The following BCLAF1 variants were observed in gnomAD, a reference collection of about 807,000 sequenced individuals.
BCLAF1 encodes BCL2 associated transcription factor 1, also known as bcl-2-associated transcription factor 1.
In BCLAF1, 10 loss-of-function variants were observed where a neutral mutation model predicts 99.5. The ratio of observed to expected loss-of-function variants is 0.10; its 90% CI spans 0.06 to 0.17. The LOEUF (loss-of-function observed/expected upper bound fraction) is 0.17. BCLAF1 is among the 10% of genes least tolerant of loss of function. The probability of loss-of-function intolerance (pLI) is 1.00; values close to 1 mark genes in which losing one functional copy is unlikely to be tolerated. For missense variants in BCLAF1, 636 were observed against 1,105.8 expected (o/e 0.58, Z 6.02); for synonymous variants, 255 against 370.9 (o/e 0.69, Z 3.59).
intron 10 of BCLAF1, 52 bp from the exon 11 acceptor site, chr6:136,267,227 T>C: frequency 6.4e-7 from 1 of 1,560,236 alleles, no homozygotes. Flanking sequence ...GGTATTTAGT[T>C]ACATGCAAAT....
At chr6:136,264,813 G>T (rs1049021440) in intron 11 of BCLAF1, among the ~76,000 whole-genome samples, 1 of 152,136 alleles carries the variant, frequency 6.6e-6, no homozygotes, top group Non-Finnish European at 1.5e-5. Context: ...AGCATCATCA[G>T]TCTGTGGCAA....
At chr6:136,274,072 A>AC (rs1180856904) in intron 6 of BCLAF1, 2 of 1,288,184 alleles carry the variant, frequency 1.6e-6, no homozygotes, top group Non-Finnish European at 2.0e-6. Context: ...TTGAGCTAGC[A>AC]ACTCAGTTTT....
chr6:136,276,252 T>C lies in BCLAF1; in HGVS notation c.1273A>G (p.Thr425Ala), dbSNP rs372920909. ...TCCTCAGTATTCCGGTGAGATGCAG[T>C]AGCAAAACTTTTACCCTGATCTGCG... ...VLADQGKSFA[T>A]ASHRNTEEEG... Residue 425 changes from threonine to alanine, a missense_variant, in exon 5 of 13, where the codon ACT (threonine) becomes GCT (alanine). Physicochemically the swap from Thr to Ala is moderately conservative, Grantham distance 58. This residue lies in a region of BCLAF1 where 186 missense variants were observed against 275.3 expected (regional missense o/e 0.68). Transcript: ENST00000531224. 2 of 1,605,160 alleles carry C rather than the reference T, an allele frequency of 1.2e-6. No individual in the cohort carries two copies. The highest frequency in any genetic ancestry group is 2.2e-5 in the East Asian group (1 of 44,762).
At chr6:136,286,412 G>T (rs1189479967) in intron 1 of BCLAF1, among the ~76,000 whole-genome samples, 6 of 152,026 alleles carry the variant, frequency 3.9e-5, no homozygotes, top group South Asian at 2.1e-4. Context: ...GTGTTTTTTT[G>T]TTGTTGTTGT....
chr6:136,266,341 AC>A, intron 11 of BCLAF1, among the ~76,000 whole-genome samples: 1 of 152,200 alleles, frequency 6.6e-6, no homozygotes, highest in South Asian at 2.1e-4. Context: ...AAAAATGAAT[AC>A]TTCTGGTAAT....
chr6:136,279,969 T>C (rs1424784883), intron 2 of BCLAF1, 93 bp from the exon 3 acceptor site: 5 of 1,266,218 alleles, frequency 3.9e-6, no homozygotes, highest in South Asian at 2.5e-5. Flanking sequence ...ATTTGATTTT[T>C]ACAAGTTTCT....
chr6:136,288,607 G>C (rs1052751849), intron 1 of BCLAF1, among the ~76,000 whole-genome samples: 1 of 152,204 alleles, frequency 6.6e-6, no homozygotes, highest in Admixed American at 6.5e-5. Flanking sequence ...CATCTTTTTC[G>C]TCAGTGTTAG....
At chr6:136,267,891 T>A (rs1348681209) in intron 10 of BCLAF1, among the ~76,000 whole-genome samples, 1 of 151,986 alleles carries the variant, frequency 6.6e-6, no homozygotes, top group Non-Finnish European at 1.5e-5. Flanking sequence ...AATCAGTAAC[T>A]TTCCTTGACT....
chr6:136,284,765 T>C (rs1335726766), intron 1 of BCLAF1, among the ~76,000 whole-genome samples: 1 of 151,964 alleles, frequency 6.6e-6, no homozygotes, highest in African/African-American at 2.4e-5. Flanking sequence ...CCTACTCTCT[T>C]GAAGCTTTCA....
intron 1 of BCLAF1, among the ~76,000 whole-genome samples, chr6:136,285,072 G>A (rs777460483): frequency 2.0e-5 from 3 of 152,098 alleles, no homozygotes; most frequent in Non-Finnish European, 2.9e-5. Context: ...ATGAAATAGG[G>A]CAGCAGGAGG....
intron 8 of BCLAF1, among the ~76,000 whole-genome samples, chr6:136,271,042 A>G: frequency 6.6e-6 from 1 of 151,860 alleles, no homozygotes; most frequent in Non-Finnish European, 1.5e-5. Flanking sequence ...TAGTAAGTTA[A>G]TAGCATGCCC....
intron 7 of BCLAF1, among the ~76,000 whole-genome samples, chr6:136,272,501 C>T: frequency 6.6e-6 from 1 of 151,940 alleles, no homozygotes; most frequent in Non-Finnish European, 1.5e-5. Context: ...GCTGCAACTA[C>T]CCAGTGCTTC....
At position 136,277,877 on chromosome 6, in the gene BCLAF1, T is replaced by C. The variant is rs1783658516; in HGVS notation, c.1004A>G (p.Lys335Arg). Residue 335 changes from lysine (K) to arginine (R), a missense_variant, in exon 4 of 13, where the codon AAG becomes AGG. Transcript: ENST00000531224. ...TTTTAGTTTTTACCTTTTTAAGAAC[T>C]TCCCAGTCTTTGCAGTTTCCTGATC... ...GGDQETAKTG[K>R]FLKRFTDEES... 6.2e-7 allele frequency: 1 copy of C among 1,604,794 alleles called. No individual in the cohort carries two copies. The highest frequency in any genetic ancestry group is 8.5e-7 in the Non-Finnish European group (1 of 1,175,806).
At chr6:136,270,815 A>G (rs1269073101) in intron 8 of BCLAF1, among the ~76,000 whole-genome samples, 1 of 151,874 alleles carries the variant, frequency 6.6e-6, no homozygotes, top group Non-Finnish European at 1.5e-5. Flanking sequence ...TAATGAGGAG[A>G]GAAGATACTC....
chr6:136,289,842 G>A lies in BCLAF1; in HGVS notation c.-244C>T, dbSNP rs1001932010. 2 of 152,712 alleles carry A rather than the reference G, an allele frequency of 1.3e-5. No homozygotes were observed. Among genetic ancestry groups the A allele is most frequent in the African/African-American group, 4.8e-5 (2 of 41,474 alleles). The allele number at this position is 152,712 out of a possible 1,614,324, so 9.5% of individuals were successfully genotyped here. A position where few individuals can be genotyped will look rare whatever the true frequency, so the allele number is the denominator to read the frequency against. Reference sequence around the variant, plus strand: ...GCGCTAGCACGTCTCCGTCACTTCCGATCTGGGGCGTGGCCTCGGGTGCCG... The same window carrying A: ...GCGCTAGCACGTCTCCGTCACTTCCAATCTGGGGCGTGGCCTCGGGTGCCG... On this transcript the variant is annotated 5_prime_UTR_variant, in exon 1 of 13. Coordinates refer to ENST00000531224, the MANE Select transcript of BCLAF1 (RefSeq NM_014739.3).
At position 136,258,941 on chromosome 6, in the gene BCLAF1, A is replaced by G. The variant is rs974227125; in HGVS notation, c.*2169T>C. Reference sequence around the variant, plus strand: ...TGCCCCTCTCTAGGCAAAACAAAGTATGTTAACGCAGGTATCAGTGAGTTA... The same window carrying G: ...TGCCCCTCTCTAGGCAAAACAAAGTGTGTTAACGCAGGTATCAGTGAGTTA... On this transcript the variant is annotated 3_prime_UTR_variant, in exon 13 of 13. Coordinates refer to ENST00000531224, the MANE Select transcript of BCLAF1 (RefSeq NM_014739.3). The G allele has an allele frequency of 6.6e-6, 1 of 152,500 alleles. No individual in the cohort carries two copies. The highest frequency in any genetic ancestry group is 6.5e-5 in the Admixed American group (1 of 15,278). The allele number at this position is 152,500 out of a possible 1,614,324, so 9.4% of individuals were successfully genotyped here.
chr6:136,268,061 GAC>G (rs1781966752), intron 10 of BCLAF1, 99 bp downstream of exon 10: 1 of 1,115,268 alleles, frequency 9.0e-7, no homozygotes, highest in South Asian at 2.2e-5. Flanking sequence ...TAGGAATAAT[GAC>G]ACACATAACA....
chr6:136,257,509 A>C lies in BCLAF1; in HGVS notation c.*3601T>G, dbSNP rs1780531392. 6.6e-6 allele frequency: 1 copy of C among 152,176 alleles called. No individual in the cohort carries two copies. The highest frequency in any genetic ancestry group is 1.5e-5 in the Non-Finnish European group (1 of 68,000). The allele number at this position is 152,176 out of a possible 1,614,324, so 9.4% of individuals were successfully genotyped here. On this transcript the variant is annotated 3_prime_UTR_variant, in exon 13 of 13. Transcript: ENST00000531224. ...GTGGCTCTCAAGTCAATTAAATACAACTAGATTCCATATATTCCTGAATCC... is the reference window on the plus strand; with the variant it reads ...GTGGCTCTCAAGTCAATTAAATACACCTAGATTCCATATATTCCTGAATCC...
intron 8 of BCLAF1, 24 bp from the exon 9 acceptor site, chr6:136,269,636 C>T (rs745699931): frequency 6.5e-7 from 1 of 1,545,946 alleles, no homozygotes; most frequent in Admixed American, 2.2e-5. Flanking sequence ...ATATAAAATA[C>T]AGATTTCAGG....
Sources: gnomAD v4.1 joint callset for allele counts (sites outside exome capture counted in the v4.1 genomes callset) on GRCh38, gnomAD v4.1.1 for gene constraint, gnomAD v4.1.1 regional missense constraint, MANE v1.5 for transcripts, NCBI Gene and HGNC (gene_info 2026-07-23, HGNC 2026-07-21) for gene names.